CALN1: variants seen among roughly 807,000 people sequenced by gnomAD.
CALN1 encodes calneuron 1.
In CALN1, 17 loss-of-function variants were observed where a neutral mutation model predicts 30.6. The ratio of observed to expected loss-of-function variants is 0.56; its 90% CI spans 0.38 to 0.83. CALN1 has a LOEUF of 0.83. Ranked by LOEUF, CALN1 falls within the 40% of genes least tolerant of loss-of-function variation. The probability of loss-of-function intolerance (pLI) is 0.00; values close to 1 mark genes in which losing one functional copy is unlikely to be tolerated. For missense variants in CALN1, 291 were observed against 354.9 expected (o/e 0.82, Z 1.45); for synonymous variants, 156 against 131.4 (o/e 1.19, Z -1.28).
chr7:72,369,940 GTCTT>G (rs1448242981), intron 2 of CALN1, among the ~76,000 whole-genome samples: 8 of 152,166 alleles, frequency 5.3e-5, no homozygotes, highest in East Asian at 1.9e-4. Context: ...TCATGTTTGA[GTCTT>G]TCTATGAATA....
intron 3 of CALN1, among the ~76,000 whole-genome samples, chr7:72,120,959 A>G (rs1456685946): frequency 6.6e-6 from 1 of 151,912 alleles, no homozygotes; most frequent in Admixed American, 6.6e-5. Flanking sequence ...GCTCCCCTGA[A>G]AAGGGAGAAG....
At chr7:71,808,099 A>T (rs2116162816) in intron 6 of CALN1, among the ~76,000 whole-genome samples, 1 of 152,160 alleles carries the variant, frequency 6.6e-6, no homozygotes, top group Non-Finnish European at 1.5e-5. Context: ...AAAACAAAAC[A>T]AAAATACTAC....
At chr7:72,376,119 ATCTTCTGTTTATCCAT>A (rs528547004) in intron 2 of CALN1, among the ~76,000 whole-genome samples, 98 of 152,294 alleles carry the variant, frequency 6.4e-4, no homozygotes, top group Middle Eastern at 6.8e-3. Flanking sequence ...GGATTATATC[ATCTTCTGTTTATCCAT>A]TCATCAGTTG....
At chr7:71,944,825 G>A (rs1003745593) in intron 5 of CALN1, among the ~76,000 whole-genome samples, 1 of 152,060 alleles carries the variant, frequency 6.6e-6, no homozygotes, top group Non-Finnish European at 1.5e-5. Flanking sequence ...GAAGAAATTG[G>A]CTACCAATGT....
At chr7:72,498,816 G>C in the CALN1 span, among the ~76,000 whole-genome samples, 1 of 150,720 alleles carries the variant, frequency 6.6e-6, no homozygotes, top group Non-Finnish European at 1.5e-5. Context: ...TCCTCATTAT[G>C]ATAAATAAAG....
At chr7:72,049,990 TG>T (rs1802736262) in intron 4 of CALN1, among the ~76,000 whole-genome samples, 2 of 151,458 alleles carry the variant, frequency 1.3e-5, no homozygotes, top group South Asian at 4.2e-4. Flanking sequence ...TTTTTTTTTT[TG>T]TATGTTTAGT....
chr7:72,289,139 T>C (rs940348192), intron 2 of CALN1, among the ~76,000 whole-genome samples: 1 of 152,240 alleles, frequency 6.6e-6, no homozygotes, highest in Non-Finnish European at 1.5e-5. Flanking sequence ...TGATGAGAAA[T>C]CTATAGGTAT....
In CALN1 at chr7:71,787,798, T is replaced by C; in HGVS notation, c.763A>G (p.Ile255Val). Residue 255 changes from isoleucine to valine, a missense_variant, in exon 7 of 7, where the codon ATA becomes GTA. Physicochemically the swap from Ile to Val is conservative, Grantham distance 29. Around this residue, in one of 2 missense-constraint regions of CALN1, gnomAD observed 169 missense variants for 251.7 expected, o/e 0.67. Coordinates refer to ENST00000395275, the MANE Select transcript of CALN1 (RefSeq NM_031468.4). The part of the protein sequence containing the change: ...ISVMLIAANQ[I>V]LRSGME ...TGCTACTCCATGCCGCTCCGGAGTA[T>C]CTGGTTGGCTGCAATCAGCATGACA... 6.2e-7 allele frequency: 1 copy of C among 1,613,976 alleles called. No individual in the cohort carries two copies. The highest frequency in any genetic ancestry group is 8.5e-7 in the Non-Finnish European group (1 of 1,180,004).
At chr7:71,974,399 C>T (rs1489665376) in intron 5 of CALN1, among the ~76,000 whole-genome samples, 1 of 102,636 alleles carries the variant, frequency 9.7e-6, no homozygotes, top group Non-Finnish European at 1.8e-5. Context: ...GCTTGGGTGA[C>T]AGAGCAAGAC....
chr7:72,066,294 C>T (rs556530342), intron 4 of CALN1, among the ~76,000 whole-genome samples: 1 of 152,184 alleles, frequency 6.6e-6, no homozygotes, highest in Non-Finnish European at 1.5e-5. Flanking sequence ...GGGGACAGAG[C>T]CCTGGGGCAC....
intron 3 of CALN1, among the ~76,000 whole-genome samples, chr7:72,278,006 T>C (rs1797450084): frequency 4.0e-5 from 2 of 49,708 alleles, no homozygotes; most frequent in South Asian, 7.0e-4. Context: ...AATCCTCTAT[T>C]CCGGGGGGGG....
chr7:71,972,066 A>G (rs1229494259), intron 5 of CALN1, among the ~76,000 whole-genome samples: 1 of 152,044 alleles, frequency 6.6e-6, no homozygotes, highest in African/African-American at 2.4e-5. Context: ...TATTTGCTCA[A>G]GCTCAACCCA....
chr7:72,024,739 C>G (rs1800941342), intron 4 of CALN1, among the ~76,000 whole-genome samples: 1 of 151,978 alleles, frequency 6.6e-6, no homozygotes, highest in Non-Finnish European at 1.5e-5. Flanking sequence ...ACCACCTCAG[C>G]ATAGTGTTCA....
intron 5 of CALN1, among the ~76,000 whole-genome samples, chr7:71,922,668 T>G (rs979110096): frequency 7.6e-6 from 1 of 131,140 alleles, no homozygotes; most frequent in Non-Finnish European, 1.5e-5. Context: ...ATATATAACA[T>G]ACAGAATATA....
At chr7:72,140,354 G>T (rs1302013354) in intron 3 of CALN1, among the ~76,000 whole-genome samples, 1 of 66,032 alleles carries the variant, frequency 1.5e-5, no homozygotes. Context: ...GAGGGAGGGA[G>T]GGAGGGAGGG....
chr7:72,430,281 ATAAT>A (rs1259882349), intron 1 of CALN1, among the ~76,000 whole-genome samples: 1 of 148,098 alleles, frequency 6.8e-6, no homozygotes, highest in East Asian at 1.9e-4. Context: ...TTTATCTATA[ATAAT>A]TATATATTTG....
chr7:71,826,841 A>G (rs1554347313), intron 5 of CALN1, among the ~76,000 whole-genome samples: 1 of 152,074 alleles, frequency 6.6e-6, no homozygotes, highest in Non-Finnish European at 1.5e-5. Flanking sequence ...ATGTCCACAT[A>G]ATTTTTGTAT....
intron 3 of CALN1, among the ~76,000 whole-genome samples, chr7:72,173,206 T>C (rs1432973662): frequency 6.6e-6 from 1 of 151,866 alleles, no homozygotes; most frequent in African/African-American, 2.4e-5. Flanking sequence ...CCATCTGCAG[T>C]AGTATTAAAA....
chr7:72,136,683 C>T (rs572969679), intron 3 of CALN1, among the ~76,000 whole-genome samples: 2 of 152,256 alleles, frequency 1.3e-5, no homozygotes, highest in Admixed American at 1.3e-4. Context: ...TAATCATTTC[C>T]AGTTTTTGAT....
Sources: gnomAD v4.1 joint callset for allele counts (sites outside exome capture counted in the v4.1 genomes callset) on GRCh38, gnomAD v4.1.1 for gene constraint, gnomAD v4.1.1 regional missense constraint, MANE v1.5 for transcripts, NCBI Gene and HGNC (gene_info 2026-07-23, HGNC 2026-07-21) for gene names.